The following TENM3 variants were observed in gnomAD, a reference collection of about 807,000 sequenced individuals.
The protein encoded by TENM3 is teneurin-3.
TENM3 carries 63 observed loss-of-function variants against 255.1 expected under a neutral mutation model. The observed-to-expected ratio is 0.25, with a 90% confidence interval of 0.20 to 0.30. TENM3 has a LOEUF of 0.30. TENM3 is among the 10% of genes least tolerant of loss of function. TENM3 has a pLI of 1.00. For synonymous variants in TENM3, 1,306 were observed against 1,322.3 expected (o/e 0.99, Z 0.27); for missense variants, 2,929 against 3,461.1 (o/e 0.85, Z 3.86).
chr4:182,040,734 T>C, the TENM3 span, among the ~76,000 whole-genome samples: 56 of 152,342 alleles, frequency 3.7e-4, no homozygotes, highest in African/African-American at 1.3e-3. Flanking sequence ...GATTATCTCT[T>C]AGTCAACAAG....
intron 3 of TENM3, among the ~76,000 whole-genome samples, chr4:182,525,655 T>C (rs1739086761): frequency 6.6e-6 from 1 of 152,208 alleles, no homozygotes. Context: ...TTGGGAGTTG[T>C]AGTAAGGAAT....
At chr4:182,714,315 CAAAAAAAA>C (rs374337174) in intron 13 of TENM3, 82 bp downstream of exon 13, 161 of 140,810 alleles carry the variant, frequency 1.1e-3, no homozygotes, top group East Asian at 3.2e-3. Flanking sequence ...TATCTGTTGC[CAAAAAAAA>C]AAAAAAAAAA....
the TENM3 span, among the ~76,000 whole-genome samples, chr4:182,025,978 C>T: frequency 2.0e-5 from 3 of 152,104 alleles, no homozygotes; most frequent in Non-Finnish European, 4.4e-5. Flanking sequence ...CTCTCCCAGT[C>T]CCCCACCTCC....
the TENM3 span, among the ~76,000 whole-genome samples, chr4:181,873,161 G>A: frequency 1.3e-5 from 2 of 151,760 alleles, no homozygotes; most frequent in Non-Finnish European, 2.9e-5. Flanking sequence ...TCCAACTCCC[G>A]GGTTCAAGCG....
chr4:182,271,482 G>A (rs773091722), intron 1 of TENM3, among the ~76,000 whole-genome samples: 15 of 152,274 alleles, frequency 9.9e-5, no homozygotes, highest in Middle Eastern at 3.4e-3. Flanking sequence ...GGTGGGTCCA[G>A]TTGTGCATTT....
chr4:181,625,594 C>T, the TENM3 span, among the ~76,000 whole-genome samples: 1 of 151,996 alleles, frequency 6.6e-6, no homozygotes, highest in Non-Finnish European at 1.5e-5. Flanking sequence ...ATGCTGATCA[C>T]GAGGTCAAGA....
At chr4:182,298,641 T>C (rs562352780) in intron 1 of TENM3, among the ~76,000 whole-genome samples, 4 of 151,986 alleles carry the variant, frequency 2.6e-5, no homozygotes, top group South Asian at 2.1e-4. Flanking sequence ...AAGTGAAGAT[T>C]GGAGAAAATG....
rs1202720848 is a variant in TENM3, at chr4:182,161,945, TTG to T, written c.-76+17205_-76+17206del. ...TGTATATATATACACATATATATATTTGTGTGTGTGTGTGTATATATATATAT... is the reference window on the plus strand; with the variant it reads ...TGTATATATATACACATATATATATTTGTGTGTGTGTGTATATATATATAT... On this transcript the variant is annotated intron_variant, in intron 1 of 2. Coordinates refer to the TENM3 transcript ENST00000512480. Among the ~76,000 whole-genome samples, 106 of 16,416 alleles carry T rather than the reference TTG, an allele frequency of 6.5e-3. 6 individuals carry two copies. The highest frequency in any genetic ancestry group is 0.015 in the African/African-American group (67 of 4,344). 10.8% of individuals were successfully genotyped at this position (16,416 alleles called of 152,430 possible).
At chr4:181,847,816 T>C in the TENM3 span, among the ~76,000 whole-genome samples, 2 of 152,098 alleles carry the variant, frequency 1.3e-5, no homozygotes, top group Non-Finnish European at 2.9e-5. Flanking sequence ...GAGTTTCTTT[T>C]AAAGATTATT....
intron 1 of TENM3, among the ~76,000 whole-genome samples, chr4:182,227,439 CGGT>C (rs1756238350): frequency 6.8e-6 from 1 of 146,314 alleles, no homozygotes; most frequent in Non-Finnish European, 1.5e-5. Flanking sequence ...TGTCCACTGT[CGGT>C]GGAATGGCTG....
chr4:182,208,912 A>G (rs1046356080), intron 1 of TENM3, among the ~76,000 whole-genome samples: 4 of 151,114 alleles, frequency 2.6e-5, no homozygotes, highest in Admixed American at 6.6e-5. Flanking sequence ...GTCACTTTCC[A>G]TGACGTCCTT....
the TENM3 span, among the ~76,000 whole-genome samples, chr4:181,894,738 A>G: frequency 6.6e-6 from 1 of 151,944 alleles, no homozygotes; most frequent in Non-Finnish European, 1.5e-5. Flanking sequence ...TGGCAGAAAA[A>G]AAAAAAAACG....
chr4:182,061,687 G>C, the TENM3 span, among the ~76,000 whole-genome samples: 1 of 152,138 alleles, frequency 6.6e-6, no homozygotes, highest in Non-Finnish European at 1.5e-5. Flanking sequence ...TGCTGGGCGT[G>C]GCTGCTCACG....
the TENM3 span, among the ~76,000 whole-genome samples, chr4:181,647,880 T>A: frequency 3.3e-5 from 5 of 152,128 alleles, no homozygotes; most frequent in Non-Finnish European, 5.9e-5. Context: ...TGTCTGTAAT[T>A]CCATCGAGGT....
the TENM3 span, among the ~76,000 whole-genome samples, chr4:181,619,236 C>T: frequency 6.6e-6 from 1 of 152,212 alleles, no homozygotes; most frequent in Non-Finnish European, 1.5e-5. Flanking sequence ...CTCAACTTTA[C>T]AGGCTTAGGG....
chr4:181,838,321 A>G, the TENM3 span, among the ~76,000 whole-genome samples: 4 of 152,160 alleles, frequency 2.6e-5, no homozygotes, highest in Non-Finnish European at 5.9e-5. Flanking sequence ...AATGAAATTG[A>G]TCTGGTAATA....
the TENM3 span, among the ~76,000 whole-genome samples, chr4:181,644,861 C>T: frequency 3.3e-5 from 5 of 150,904 alleles, no homozygotes; most frequent in Non-Finnish European, 7.4e-5. Context: ...TAAATTTCTA[C>T]TTAGAGGGCC....
At chr4:181,515,278 C>T in the TENM3 span, among the ~76,000 whole-genome samples, 1 of 152,178 alleles carries the variant, frequency 6.6e-6, no homozygotes, top group Admixed American at 6.5e-5. Flanking sequence ...TCTTTGCTCT[C>T]ATCATTGCAA....
At chr4:181,701,153 G>C in the TENM3 span, among the ~76,000 whole-genome samples, 1 of 152,136 alleles carries the variant, frequency 6.6e-6, no homozygotes, top group Non-Finnish European at 1.5e-5. Context: ...CCTTGTTAAA[G>C]GTAAGGCAGG....
Sources: allele counts gnomAD v4.1 joint callset (sites outside exome capture counted in the v4.1 genomes callset), GRCh38; gene constraint gnomAD v4.1.1; transcripts MANE v1.5; gene names NCBI Gene and HGNC (gene_info 2026-07-23, HGNC 2026-07-21).